The following ZNF892 variants were observed in gnomAD, a reference collection of about 807,000 sequenced individuals.
ZNF892 encodes the protein zinc finger protein 892.
the ZNF892 span, among the ~76,000 whole-genome samples, chr2:95,223,397 T>G: frequency 6.6e-5 from 10 of 152,026 alleles, no homozygotes; most frequent in African/African-American, 2.2e-4. Context: ...GGGGTTTTTT[T>G]GGGGGGGAGG....
the ZNF892 span, among the ~76,000 whole-genome samples, chr2:95,254,075 T>C: frequency 6.6e-6 from 1 of 152,162 alleles, no homozygotes; most frequent in Non-Finnish European, 1.5e-5. Context: ...CCTTTATTTC[T>C]TTCTCCTGCC....
the ZNF892 span, among the ~76,000 whole-genome samples, chr2:95,246,107 A>G: frequency 6.6e-6 from 1 of 152,220 alleles, no homozygotes; most frequent in Non-Finnish European, 1.5e-5. Flanking sequence ...ATTGATGCAA[A>G]AATCCTCAAT....
chr2:95,262,464 C>A, the ZNF892 span, among the ~76,000 whole-genome samples: 1 of 152,156 alleles, frequency 6.6e-6, no homozygotes, highest in Non-Finnish European at 1.5e-5. Context: ...CAAGTTCTGA[C>A]TAATAAGATG....
the ZNF892 span, among the ~76,000 whole-genome samples, chr2:95,223,935 A>T: frequency 6.6e-6 from 1 of 152,076 alleles, no homozygotes; most frequent in Non-Finnish European, 1.5e-5. Context: ...GGCCTTTGGG[A>T]AGTGATTAGG....
At chr2:95,230,899 T>C in the ZNF892 span, among the ~76,000 whole-genome samples, 1 of 152,214 alleles carries the variant, frequency 6.6e-6, no homozygotes, top group African/African-American at 2.4e-5. Context: ...GACACGATAG[T>C]GTCTGTGAGT....
chr2:95,253,145 A>G, the ZNF892 span, among the ~76,000 whole-genome samples: 3 of 152,210 alleles, frequency 2.0e-5, no homozygotes, highest in Non-Finnish European at 4.4e-5. Context: ...TGTTTTAGAC[A>G]TGAAGTCCTT....
chr2:95,239,003 G>C, the ZNF892 span, among the ~76,000 whole-genome samples: 4 of 152,120 alleles, frequency 2.6e-5, no homozygotes, highest in Non-Finnish European at 5.9e-5. Flanking sequence ...GCAGGGCGTG[G>C]TGGCGCGTGC....
the ZNF892 span, among the ~76,000 whole-genome samples, chr2:95,246,200 G>A: frequency 3.9e-5 from 6 of 152,182 alleles, no homozygotes; most frequent in Non-Finnish European, 8.8e-5. Flanking sequence ...AGGATGCAAG[G>A]TTGGTTCAAC....
At chr2:95,243,215 A>G in the ZNF892 span, among the ~76,000 whole-genome samples, 20 of 152,070 alleles carry the variant, frequency 1.3e-4, no homozygotes, top group African/African-American at 4.6e-4. Flanking sequence ...TCCACCTCCC[A>G]GCAGCCTGCC....
the ZNF892 span, among the ~76,000 whole-genome samples, chr2:95,258,197 G>A: frequency 1.3e-5 from 2 of 152,176 alleles, no homozygotes; most frequent in Non-Finnish European, 2.9e-5. Context: ...TTCCTATTTG[G>A]CCATCTTGGC....
At chr2:95,221,920 T>A in the ZNF892 span, among the ~76,000 whole-genome samples, 1 of 152,096 alleles carries the variant, frequency 6.6e-6, no homozygotes, top group Non-Finnish European at 1.5e-5. Context: ...CTTCTTCTCC[T>A]CCTCCCTCCC....
At chr2:95,252,030 G>A in the ZNF892 span, among the ~76,000 whole-genome samples, 2 of 152,266 alleles carry the variant, frequency 1.3e-5, no homozygotes, top group East Asian at 1.9e-4. Context: ...ATAAGAGTTC[G>A]GAGTCGCAAA....
At chr2:95,212,257 A>T in the ZNF892 span, 1 of 398,544 alleles carries the variant, frequency 2.5e-6, no homozygotes, top group Non-Finnish European at 4.4e-6. Context: ...TGGAGAGAGA[A>T]GTCTCAAAGG....
chr2:95,210,269 G>GTATA, the ZNF892 span, among the ~76,000 whole-genome samples: 1 of 150,704 alleles, frequency 6.6e-6, no homozygotes, highest in African/African-American at 2.4e-5. Context: ...ATATGTGTGT[G>GTATA]TATATATATT....
the ZNF892 span, chr2:95,208,552 G>A: frequency 2.5e-6 from 1 of 397,802 alleles, no homozygotes. Flanking sequence ...TCCCAGTGTT[G>A]ACTCTTCTTA....
chr2:95,214,957 A>G, the ZNF892 span: 1 of 496,784 alleles, frequency 2.0e-6, no homozygotes, highest in Non-Finnish European at 3.7e-6. Flanking sequence ...TATGAATGCA[A>G]TGAATGCGGG....
the ZNF892 span, among the ~76,000 whole-genome samples, chr2:95,241,212 G>T: frequency 3.3e-5 from 5 of 152,210 alleles, no homozygotes; most frequent in Admixed American, 3.3e-4. Flanking sequence ...CTGACTGGGT[G>T]AAACCCCCCC....
chr2:95,252,802 A>G, the ZNF892 span, among the ~76,000 whole-genome samples: 1 of 152,026 alleles, frequency 6.6e-6, no homozygotes, highest in Non-Finnish European at 1.5e-5. Context: ...ATGGTATCTC[A>G]TTGTGGTTTT....
chr2:95,240,846 G>A, the ZNF892 span, among the ~76,000 whole-genome samples: 3 of 152,232 alleles, frequency 2.0e-5, no homozygotes, highest in African/African-American at 7.2e-5. Context: ...GTGCGGAAGA[G>A]GAAGTGTCCC....
Sources: gnomAD v4.1 joint callset for allele counts (sites outside exome capture counted in the v4.1 genomes callset) on GRCh38, gnomAD v4.1.1 for gene constraint, MANE v1.5 for transcripts, NCBI Gene and HGNC (gene_info 2026-07-23, HGNC 2026-07-21) for gene names.